Variants in MAP3K21 observed in about 807,000 individuals in gnomAD.
MAP3K21 encodes the protein mitogen-activated protein kinase kinase kinase 21.
A neutral mutation model predicts 86.1 loss-of-function variants in MAP3K21; 63 were observed. The observed-to-expected ratio is 0.73, with a 90% confidence interval of 0.60 to 0.90. The LOEUF (loss-of-function observed/expected upper bound fraction) is 0.90. Ranked by LOEUF, MAP3K21 falls within the 40% of genes least tolerant of loss-of-function variation. The pLI is 0.00. For missense variants in MAP3K21, 1,220 were observed against 1,367.7 expected, an observed-to-expected ratio of 0.89 and a Z score of 1.70; for synonymous variants, 558 against 564.8, an observed-to-expected ratio of 0.99 and a Z score of 0.17.
Position 233,339,195 on chromosome 1 carries a change from T to TTTCTTCTTCTTC in MAP3K21, c.806-7186_806-7175dup, listed in dbSNP as rs71173272. Among the ~76,000 whole-genome samples the TTTCTTCTTCTTC allele has an allele frequency of 6.9e-4, 80 of 115,460 alleles. 3 individuals carry two copies. Among genetic ancestry groups the TTTCTTCTTCTTC allele is most frequent in the Non-Finnish European group, 8.4e-4 (45 of 53,332 alleles). The allele number at this position is 115,460 out of a possible 152,430, so 75.7% of individuals were successfully genotyped here. On this transcript the variant is annotated intron_variant, in intron 1 of 9. Transcript: ENST00000366624. ...GCTACAATTATTTTTAAAACAATCA[T>TTTCTTCTTCTTC]TTCTTCTTCTTCTTCTTCTTCTTCT...
chr1:233,373,233 G>A (rs530129467), intron 6 of MAP3K21: 24 of 152,248 alleles, frequency 1.6e-4, no homozygotes, highest in African/African-American at 5.1e-4. Context: ...CCTAATTAAC[G>A]GAGAGAGAAA....
chr1:233,364,450 A>G (rs1300059947), intron 5 of MAP3K21, among the ~76,000 whole-genome samples: 1 of 152,170 alleles, frequency 6.6e-6, no homozygotes, highest in Non-Finnish European at 1.5e-5. Context: ...AACTTTGGGG[A>G]AGGTGGAAAG....
At chr1:233,367,558 T>A (rs1306314498) in intron 5 of MAP3K21, among the ~76,000 whole-genome samples, 1 of 152,182 alleles carries the variant, frequency 6.6e-6, no homozygotes. Context: ...GGGACAAGGA[T>A]GTTTACGATA....
intron 5 of MAP3K21, among the ~76,000 whole-genome samples, chr1:233,371,795 C>T (rs952457887): frequency 7.0e-6 from 1 of 142,800 alleles, no homozygotes; most frequent in South Asian, 2.2e-4. Flanking sequence ...ATGTGTGTGA[C>T]TATATCCAAC....
Position 233,351,620 on chromosome 1 carries a change from G to A in MAP3K21, c.987-2187G>A, listed in dbSNP as rs1663254106. On this transcript the variant is annotated intron_variant, in intron 2 of 9. Transcript: ENST00000366624. ...GAGGCAGGAGAATCACTTGAACCCA[G>A]GAGGTGGCGGAGGTTGCAGTGAGCT... Among the ~76,000 whole-genome samples the A allele has an allele frequency of 2.0e-5, 3 of 151,524 alleles. No individual in the cohort carries two copies. In the South Asian group the frequency reaches 6.2e-4, roughly 32 times the overall value.
chr1:233,375,682 T>A (rs759904459), intron 6 of MAP3K21: 10 of 505,594 alleles, frequency 2.0e-5, no homozygotes, highest in African/African-American at 4.1e-5. Context: ...TCTTTGCTGC[T>A]AATTTACCTC....
chr1:233,328,021 C>T lies in MAP3K21; in HGVS notation c.-8C>T. 7.9e-7 allele frequency: 1 copy of T among 1,270,596 alleles called. No homozygotes were observed. The highest frequency in any genetic ancestry group is 9.9e-7 in the Non-Finnish European group (1 of 1,010,272). 78.7% of individuals were successfully genotyped at this position (1,270,596 alleles called of 1,614,324 possible). A position where few individuals can be genotyped will look rare whatever the true frequency, so the allele number is the denominator to read the frequency against. On this transcript the variant is annotated 5_prime_UTR_variant, in exon 1 of 10. Transcript: ENST00000366624. This position sits in a 1 kb window ranked among gnomAD's most constrained non-coding sequence, Gnocchi z 8.7. ...TTCCCGCTCCGCCTTCCCCGCGCAGCTGCCCCCATGGCTTTGCGGGGCGCC... is the reference window on the plus strand; with the variant it reads ...TTCCCGCTCCGCCTTCCCCGCGCAGTTGCCCCCATGGCTTTGCGGGGCGCC...
chr1:233,351,194 T>C (rs1026458082), intron 2 of MAP3K21, among the ~76,000 whole-genome samples: 5 of 152,318 alleles, frequency 3.3e-5, no homozygotes, highest in African/African-American at 1.2e-4. Flanking sequence ...ATAATATAGA[T>C]GATTTTTAAG....
chr1:233,360,611 T>C (rs1030160484), intron 4 of MAP3K21, among the ~76,000 whole-genome samples: 2 of 152,252 alleles, frequency 1.3e-5, no homozygotes, highest in African/African-American at 4.8e-5. Context: ...TAGCTCTCCC[T>C]AGTCTCTTCG....
chr1:233,331,990 T>A (rs758147732), intron 1 of MAP3K21, among the ~76,000 whole-genome samples: 1 of 152,234 alleles, frequency 6.6e-6, no homozygotes, highest in East Asian at 1.9e-4. Flanking sequence ...AAATACTTTA[T>A]ATAAGTCTAC....
intron 6 of MAP3K21, among the ~76,000 whole-genome samples, chr1:233,374,391 G>T (rs1336576296): frequency 6.6e-6 from 1 of 152,272 alleles, no homozygotes; most frequent in Non-Finnish European, 1.5e-5. Flanking sequence ...GGCCAGGCTG[G>T]TCTTGAACTC....
intron 1 of MAP3K21, among the ~76,000 whole-genome samples, chr1:233,341,759 T>C (rs762518802): frequency 2.6e-5 from 4 of 152,104 alleles, no homozygotes; most frequent in Non-Finnish European, 4.4e-5. Context: ...GGCAAGGAAG[T>C]GTTTTGAGGC....
intron 5 of MAP3K21, among the ~76,000 whole-genome samples, chr1:233,366,468 G>A (rs1663575927): frequency 6.6e-6 from 1 of 152,152 alleles, no homozygotes; most frequent in Non-Finnish European, 1.5e-5. Flanking sequence ...CCATAAATAT[G>A]TATAATTTTT....
At position 233,346,650 on chromosome 1, in the gene MAP3K21, C is replaced by T. The variant is rs1376593346; in HGVS notation, c.986+28C>T. ...GAGCCTTTCCTTTTGCAAACATCGGCAGAAACTGCTTGCTATGCTTTATTT... is the reference window on the plus strand; with the variant it reads ...GAGCCTTTCCTTTTGCAAACATCGGTAGAAACTGCTTGCTATGCTTTATTT... On this transcript the variant is annotated intron_variant, in intron 2 of 9. Transcript: ENST00000366624. 2.5e-6 allele frequency: 4 copies of T among 1,597,132 alleles called. No homozygotes were observed. The Admixed American group carries it at 6.8e-5, about 27-fold the overall frequency.
chr1:233,360,038 A>G (rs1318457149), intron 4 of MAP3K21, among the ~76,000 whole-genome samples: 1 of 152,234 alleles, frequency 6.6e-6, no homozygotes, highest in Admixed American at 6.5e-5. Flanking sequence ...ATGTTTTTTT[A>G]TTCAATTACT....
Position 233,359,002 on chromosome 1 carries a change from G to A in MAP3K21, c.1312-3051G>A, listed in dbSNP as rs745801958. Reference sequence around the variant, plus strand: ...TTTTTTTTGTATTTTTAGTAGAGACGGGGTTTCACCATGTTGGCCAGGCTG... The same window carrying A: ...TTTTTTTTGTATTTTTAGTAGAGACAGGGTTTCACCATGTTGGCCAGGCTG... On this transcript the variant is annotated intron_variant, in intron 4 of 9. Transcript: ENST00000366624. 4.6e-5 allele frequency among the ~76,000 whole-genome samples: 7 copies of A among 151,852 alleles called. No homozygotes were observed. In the South Asian group the frequency reaches 1.3e-3, roughly 27 times the overall value.
chr1:233,369,220 C>CA (rs35461412), intron 5 of MAP3K21, among the ~76,000 whole-genome samples: 15,657 of 105,500 alleles, frequency 0.15, 1,522 homozygotes, highest in African/African-American at 0.27. Flanking sequence ...TAGTAAAATA[C>CA]AAAAAAAAAA....
chr1:233,329,648 T>C (rs1015267302), intron 1 of MAP3K21, among the ~76,000 whole-genome samples: 19 of 151,676 alleles, frequency 1.3e-4, no homozygotes, highest in African/African-American at 4.6e-4. Context: ...AGTGAGACTC[T>C]GTCTCAAAAA....
chr1:233,344,494 T>G (rs1370969545), intron 1 of MAP3K21, among the ~76,000 whole-genome samples: 3 of 152,172 alleles, frequency 2.0e-5, no homozygotes, highest in African/African-American at 7.2e-5. Flanking sequence ...GATTCCCTAT[T>G]TAATAAATGG....
Sources: allele counts gnomAD v4.1 joint callset (sites outside exome capture counted in the v4.1 genomes callset), GRCh38; gene constraint gnomAD v4.1.1; non-coding constraint Gnocchi (gnomAD v3.1); transcripts MANE v1.5; gene names NCBI Gene and HGNC (gene_info 2026-07-23, HGNC 2026-07-21).